CRYBG3: variants seen among roughly 807,000 people sequenced by gnomAD.
CRYBG3 encodes crystallin beta-gamma domain containing 3, also known as very large A-kinase anchor protein.
In CRYBG3, 127 loss-of-function variants were observed where a neutral mutation model predicts 244.2. The ratio of observed to expected loss-of-function variants is 0.52; its 90% CI spans 0.45 to 0.60. The LOEUF (loss-of-function observed/expected upper bound fraction) is 0.60. CRYBG3 is among the 20% of genes least tolerant of loss of function. CRYBG3 has a pLI of 0.00. For missense variants in CRYBG3, 3,325 were observed against 3,442.5 expected (o/e 0.97, Z 0.85); for synonymous variants, 1,132 against 1,195.8 (o/e 0.95, Z 1.10).
At chr3:97,826,919 G>A (rs756776316) in intron 1 of CRYBG3, among the ~76,000 whole-genome samples, 3 of 152,192 alleles carry the variant, frequency 2.0e-5, no homozygotes, top group Non-Finnish European at 2.9e-5. Flanking sequence ...AATGTCATAC[G>A]TTGTATGAGA....
intron 3 of CRYBG3, among the ~76,000 whole-genome samples, chr3:97,871,141 C>T (rs1453949445): frequency 1.3e-5 from 2 of 152,152 alleles, no homozygotes; most frequent in Non-Finnish European, 2.9e-5. Flanking sequence ...CTGAGAGCAT[C>T]AGGATCTTTA....
At position 97,877,126 on chromosome 3, in the gene CRYBG3, GATT is replaced by G; in HGVS notation, c.5935_5937del (p.Tyr1979del). On this transcript the variant is annotated inframe_deletion, in exon 4 of 22. Transcript: ENST00000389622. ...AATATATGACAAGAGGAGAGAGACA[GATT>G]ATAGTGACAAAGGATATAATTTAGC... 1 of 1,613,804 alleles carries G rather than the reference GATT, an allele frequency of 6.2e-7. No homozygotes were observed. Among genetic ancestry groups the G allele is most frequent in the Non-Finnish European group, 8.5e-7 (1 of 1,179,776 alleles).
intron 2 of CRYBG3, among the ~76,000 whole-genome samples, chr3:97,855,680 G>T (rs983438469): frequency 6.6e-6 from 1 of 152,172 alleles, no homozygotes; most frequent in Non-Finnish European, 1.5e-5. Flanking sequence ...ACAAAAGAGA[G>T]AAATTTTAAA....
At chr3:97,827,511 A>C (rs1559710201) in intron 1 of CRYBG3, among the ~76,000 whole-genome samples, 1 of 152,170 alleles carries the variant, frequency 6.6e-6, no homozygotes, top group African/African-American at 2.4e-5. Context: ...ACTTACTCCC[A>C]GGAGTTTTTA....
intron 12 of CRYBG3, among the ~76,000 whole-genome samples, chr3:97,897,419 T>C (rs2039651643): frequency 2.0e-5 from 3 of 152,072 alleles, no homozygotes; most frequent in African/African-American, 7.2e-5. Context: ...TACTAACTTA[T>C]GCAAGTGCTT....
chr3:97,911,165 A>C (rs535727049), intron 15 of CRYBG3, among the ~76,000 whole-genome samples: 1 of 152,336 alleles, frequency 6.6e-6, no homozygotes, highest in South Asian at 2.1e-4. Context: ...AATTCTAAGT[A>C]GAGGCCTTTG....
intron 3 of CRYBG3, among the ~76,000 whole-genome samples, chr3:97,868,975 A>G (rs577146236): frequency 1.1e-4 from 17 of 152,052 alleles, no homozygotes; most frequent in African/African-American, 4.1e-4. Flanking sequence ...GCCTGTTGAC[A>G]GTAGGTTTTA....
intron 6 of CRYBG3, 23 bp downstream of exon 6, chr3:97,880,123 A>T: frequency 8.1e-7 from 1 of 1,237,654 alleles, no homozygotes; most frequent in Non-Finnish European, 1.2e-6. Flanking sequence ...TTAAAATTTT[A>T]TAGCATATTT....
chr3:97,840,030 G>C (rs1201092991), intron 1 of CRYBG3, among the ~76,000 whole-genome samples: 1 of 152,092 alleles, frequency 6.6e-6, no homozygotes, highest in Non-Finnish European at 1.5e-5. Context: ...TAATGATAAA[G>C]AGTGGCAAAT....
In CRYBG3 at chr3:97,872,199, A is replaced by C. The variant is rs2039313062; in HGVS notation, c.1005A>C (p.Lys335Asn). 6.5e-7 allele frequency: 1 copy of C among 1,535,706 alleles called. No individual in the cohort carries two copies. Among genetic ancestry groups the C allele is most frequent in the Non-Finnish European group, 8.7e-7 (1 of 1,146,688 alleles). The change falls in exon 4 of 22, where the codon AAA (lysine) becomes AAC (asparagine). Residue 335 changes from lysine to asparagine, a missense_variant. Physicochemically the swap from Lys to Asn is moderately conservative, Grantham distance 94. Coordinates refer to ENST00000389622, the MANE Select transcript of CRYBG3 (RefSeq NM_153605.4). Reference sequence around the variant, plus strand: ...CCTCTTCCAATAATCTTTTAAATAAAAATGCTTGGGGGAGTATTGAGAGAA... The same window carrying C: ...CCTCTTCCAATAATCTTTTAAATAACAATGCTTGGGGGAGTATTGAGAGAA... The part of the protein sequence containing the change: ...NIASSNNLLN[K>N]NAWGSIERNR...
In CRYBG3 at chr3:97,875,039, C is replaced by T. The variant is rs1169242921; in HGVS notation, c.3845C>T (p.Thr1282Ile). The T allele has an allele frequency of 6.5e-7, 1 of 1,534,934 alleles. No homozygotes were observed. Among genetic ancestry groups the T allele is most frequent in the Non-Finnish European group, 8.7e-7 (1 of 1,146,490 alleles). ...AAAGAGAAGCCCTGTGTTTCACCAA[C>T]AGTTGGTGAGAAGAATCTTCTTGTT... is the stretch of plus-strand genomic sequence containing the variant. ...EVKEKPCVSP[T>I]VGEKNLLVDP... is the part of the protein sequence containing the mutation. The change falls in exon 4 of 22, where the codon ACA becomes ATA. Residue 1282 changes from threonine to isoleucine, a missense_variant. Thr to Ile is a moderately conservative substitution (Grantham distance 89). Around this residue, in one of 4 missense-constraint regions of CRYBG3, gnomAD observed 635 missense variants for 771.7 expected, o/e 0.82. Transcript: ENST00000389622.
chr3:97,835,041 G>T (rs1011221987), intron 1 of CRYBG3, among the ~76,000 whole-genome samples: 1 of 152,104 alleles, frequency 6.6e-6, no homozygotes, highest in African/African-American at 2.4e-5. Flanking sequence ...TTTTATAAAA[G>T]TAAAAGTTCT....
intron 7 of CRYBG3, among the ~76,000 whole-genome samples, chr3:97,884,353 G>T (rs556744327): frequency 6.6e-6 from 1 of 152,058 alleles, no homozygotes; most frequent in East Asian, 1.9e-4. Context: ...GTGTATTTAA[G>T]GTTTTTTTTA....
At chr3:97,899,302 A>T in intron 14 of CRYBG3, 39 bp downstream of exon 14, 1 of 1,574,208 alleles carries the variant, frequency 6.4e-7, no homozygotes, top group Non-Finnish European at 8.6e-7. Context: ...TGCATCATGT[A>T]ATAGTATGCA....
chr3:97,922,068 T>A (rs1302493492), intron 17 of CRYBG3, among the ~76,000 whole-genome samples: 1 of 152,146 alleles, frequency 6.6e-6, no homozygotes, highest in Non-Finnish European at 1.5e-5. Context: ...AAGACAATGA[T>A]TCATTCTGTA....
chr3:97,836,228 C>G (rs1024067959), intron 1 of CRYBG3, among the ~76,000 whole-genome samples: 7 of 152,068 alleles, frequency 4.6e-5, no homozygotes, highest in Non-Finnish European at 1.0e-4. Flanking sequence ...CCTCTCTCCT[C>G]CTGATTTTTC....
At chr3:97,850,230 G>C (rs1375502448) in intron 2 of CRYBG3, among the ~76,000 whole-genome samples, 1 of 151,944 alleles carries the variant, frequency 6.6e-6, no homozygotes, top group Admixed American at 6.6e-5. Context: ...TCCTTCATAC[G>C]CATACCCATT....
intron 2 of CRYBG3, among the ~76,000 whole-genome samples, chr3:97,850,116 C>T (rs1470761421): frequency 6.6e-6 from 1 of 152,092 alleles, no homozygotes; most frequent in Non-Finnish European, 1.5e-5. Context: ...TTTTAGCTTC[C>T]TGCTATTTCT....
chr3:97,822,384 G>T (rs1387533888), intron 1 of CRYBG3, 29 bp downstream of exon 1: 1 of 1,445,918 alleles, frequency 6.9e-7, no homozygotes. Flanking sequence ...GTCGCGGGGG[G>T]GCCCTGCACA....
Sources: allele counts gnomAD v4.1 joint callset (sites outside exome capture counted in the v4.1 genomes callset), GRCh38; gene constraint gnomAD v4.1.1; regional missense constraint gnomAD v4.1.1; transcripts MANE v1.5; gene names NCBI Gene and HGNC (gene_info 2026-07-23, HGNC 2026-07-21).